Variants in PDZRN3 observed in about 807,000 individuals in gnomAD.
PDZRN3 encodes the protein E3 ubiquitin-protein ligase PDZRN3.
Under a neutral mutation model 85.7 loss-of-function variants are expected in PDZRN3, and 38 were observed. That is an observed-to-expected ratio of 0.44 (90% CI 0.34 to 0.58). PDZRN3 has a LOEUF of 0.58. Ranked by LOEUF, PDZRN3 falls within the 20% of genes least tolerant of loss-of-function variation. The pLI is 0.01. For missense variants in PDZRN3, 1,629 were observed against 1,506.4 expected (o/e 1.08, Z -1.35); for synonymous variants, 759 against 638.0 (o/e 1.19, Z -2.86).
intron 3 of PDZRN3, among the ~76,000 whole-genome samples, chr3:73,449,253 T>C (rs1291673608): frequency 6.6e-6 from 1 of 152,102 alleles, no homozygotes; most frequent in Non-Finnish European, 1.5e-5. Context: ...ACTGATCCTT[T>C]AAACTGTCAA....
intron 3 of PDZRN3, among the ~76,000 whole-genome samples, chr3:73,576,308 C>T (rs550528429): frequency 6.6e-6 from 1 of 152,214 alleles, no homozygotes; most frequent in Non-Finnish European, 1.5e-5. Context: ...CAAAGCCATT[C>T]AAAACTAAAG....
At chr3:73,621,709 C>G (rs1352258112) in intron 1 of PDZRN3, 2 of 152,200 alleles carry the variant, frequency 1.3e-5, no homozygotes, top group Non-Finnish European at 2.9e-5. Context: ...CTGGGCCAGA[C>G]CATCCTTTGC....
intron 3 of PDZRN3, among the ~76,000 whole-genome samples, chr3:73,450,859 G>A (rs965607047): frequency 9.2e-5 from 14 of 151,754 alleles, no homozygotes; most frequent in African/African-American, 2.9e-4. Flanking sequence ...GAGACCTGCA[G>A]AATCAACAAT....
intron 3 of PDZRN3, among the ~76,000 whole-genome samples, chr3:73,553,009 G>C (rs1159036961): frequency 6.6e-6 from 1 of 152,116 alleles, no homozygotes; most frequent in Non-Finnish European, 1.5e-5. Context: ...GGTGACTCTA[G>C]TCCAGATAAT....
chr3:73,491,070 C>T (rs1160124755), intron 3 of PDZRN3, among the ~76,000 whole-genome samples: 3 of 152,238 alleles, frequency 2.0e-5, no homozygotes, highest in Non-Finnish European at 2.9e-5. Flanking sequence ...TTCCCAAAAG[C>T]CCCATTTGCT....
At chr3:73,393,005 A>C (rs543763150) in intron 5 of PDZRN3, among the ~76,000 whole-genome samples, 46 of 152,132 alleles carry the variant, frequency 3.0e-4, no homozygotes, top group South Asian at 4.1e-4. Flanking sequence ...TGTCTCTCTT[A>C]GGGTACACTT....
intron 3 of PDZRN3, among the ~76,000 whole-genome samples, chr3:73,521,978 G>T (rs889900217): frequency 6.6e-6 from 1 of 152,186 alleles, no homozygotes; most frequent in East Asian, 1.9e-4. Flanking sequence ...TGGCCCATGG[G>T]CTGTTTCTGT....
chr3:73,386,610 T>TA lies in PDZRN3; in HGVS notation c.1519-826dup, dbSNP rs1463656277. Among the ~76,000 whole-genome samples the TA allele has an allele frequency of 9.2e-5, 14 of 152,278 alleles. No homozygotes were observed. In the South Asian group the frequency reaches 2.7e-3, roughly 29 times the overall value. On this transcript the variant is annotated intron_variant, in intron 8 of 9. Coordinates refer to ENST00000263666, the MANE Select transcript of PDZRN3 (RefSeq NM_015009.3). Reference sequence around the variant, plus strand: ...AGCCTGGTATTTTTATAAATAATAATAAAAAAAGTTGAATGAGAACACAGC... The same window carrying TA: ...AGCCTGGTATTTTTATAAATAATAATAAAAAAAAGTTGAATGAGAACACAGC...
chr3:73,437,025 G>A (rs1702543964), intron 3 of PDZRN3, among the ~76,000 whole-genome samples: 9 of 138,466 alleles, frequency 6.5e-5, no homozygotes, highest in Admixed American at 4.6e-4. Context: ...CCAGCCTGGC[G>A]ACAGAGAAAG....
intron 3 of PDZRN3, chr3:73,408,098 A>AAAT (rs1316028250): frequency 1.4e-6 from 1 of 698,826 alleles, no homozygotes; most frequent in African/African-American, 1.8e-5. Flanking sequence ...GTTTTCAATC[A>AAAT]AATACAGTTC....
At chr3:73,507,786 G>A (rs950916680) in intron 3 of PDZRN3, among the ~76,000 whole-genome samples, 3 of 152,070 alleles carry the variant, frequency 2.0e-5, no homozygotes, top group Admixed American at 6.5e-5. Context: ...AGTCAGACTC[G>A]CTAACAAAAA....
intron 5 of PDZRN3, among the ~76,000 whole-genome samples, chr3:73,391,875 G>A (rs1701535803): frequency 6.6e-6 from 1 of 152,106 alleles, no homozygotes; most frequent in Admixed American, 6.5e-5. Flanking sequence ...AGTTTTTGTA[G>A]CTCCAAGCTG....
chr3:73,520,939 G>A (rs1005995232), intron 3 of PDZRN3, among the ~76,000 whole-genome samples: 21 of 152,196 alleles, frequency 1.4e-4, no homozygotes, highest in African/African-American at 3.4e-4. Context: ...AGTGGGCTGA[G>A]GCCAGAGCCC....
At chr3:73,546,711 A>G (rs1441684537) in intron 3 of PDZRN3, among the ~76,000 whole-genome samples, 2 of 152,256 alleles carry the variant, frequency 1.3e-5, no homozygotes, top group Admixed American at 6.5e-5. Context: ...CCATTTACAT[A>G]TAACACAAAA....
At chr3:73,440,552 C>G (rs1005835701) in intron 3 of PDZRN3, among the ~76,000 whole-genome samples, 2 of 152,178 alleles carry the variant, frequency 1.3e-5, no homozygotes, top group Admixed American at 6.5e-5. Flanking sequence ...CCTTGGAGGT[C>G]CCAGAACACA....
At chr3:73,448,831 G>A (rs1396547808) in intron 3 of PDZRN3, among the ~76,000 whole-genome samples, 1 of 152,186 alleles carries the variant, frequency 6.6e-6, no homozygotes, top group Non-Finnish European at 1.5e-5. Flanking sequence ...GAAACACCTG[G>A]TGTGATACAT....
chr3:73,478,974 G>A (rs1472599537), intron 3 of PDZRN3, among the ~76,000 whole-genome samples: 1 of 152,180 alleles, frequency 6.6e-6, no homozygotes, highest in Non-Finnish European at 1.5e-5. Flanking sequence ...GGTTCTATGT[G>A]TAATGGCAAA....
At chr3:73,505,090 G>A (rs1164940511) in intron 3 of PDZRN3, among the ~76,000 whole-genome samples, 1 of 152,192 alleles carries the variant, frequency 6.6e-6, no homozygotes, top group Non-Finnish European at 1.5e-5. Context: ...CTAAGATAGT[G>A]TGACACCCAT....
In PDZRN3 at chr3:73,391,004, A is replaced by AT. The variant is rs1048396796; in HGVS notation, c.1353+13dup. The stretch of plus-strand genomic sequence containing the variant: ...TTGATACGATAGTTAGAAAAACAAA[A>AT]TCAGCCTTTGTACCTCACTGATATA... On this transcript the variant is annotated intron_variant, in intron 6 of 9. Coordinates refer to ENST00000263666, the MANE Select transcript of PDZRN3 (RefSeq NM_015009.3). 1.6e-5 allele frequency: 25 copies of AT among 1,582,650 alleles called. No individual in the cohort carries two copies. The highest frequency in any genetic ancestry group is 2.3e-5 in the South Asian group (2 of 88,672).
Sources: gnomAD v4.1 joint callset for allele counts (sites outside exome capture counted in the v4.1 genomes callset) on GRCh38, gnomAD v4.1.1 for gene constraint, MANE v1.5 for transcripts, NCBI Gene and HGNC (gene_info 2026-07-23, HGNC 2026-07-21) for gene names.